The following PDE11A variants were observed in gnomAD, a reference collection of about 807,000 sequenced individuals.
PDE11A encodes the protein dual 3',5'-cyclic-AMP and -GMP phosphodiesterase 11A.
Under a neutral mutation model 100.5 loss-of-function variants are expected in PDE11A, and 100 were observed. The observed-to-expected ratio is 1.00, with a 90% CI of 0.85 to 1.18. The LOEUF (loss-of-function observed/expected upper bound fraction) is 1.18, where lower values mean the gene tolerates loss of function less well. Ranked by LOEUF, PDE11A falls within the 50% of genes most tolerant of loss-of-function variation. The probability of loss-of-function intolerance (pLI) is 0.00; values close to 1 mark genes in which losing one functional copy is unlikely to be tolerated. For synonymous variants in PDE11A, 381 were observed against 420.8 expected, an observed-to-expected ratio of 0.91 and a Z score of 1.16; for missense variants, 1,141 against 1,152.6, an observed-to-expected ratio of 0.99 and a Z score of 0.15.
intron 10 of PDE11A, among the ~76,000 whole-genome samples, chr2:177,744,938 A>G (rs2081926931): frequency 6.6e-6 from 1 of 152,224 alleles, no homozygotes; most frequent in African/African-American, 2.4e-5. Flanking sequence ...TCCTGGATGA[A>G]GGAGCAACAG....
At chr2:177,987,301 A>G (rs62183412) in intron 2 of PDE11A, among the ~76,000 whole-genome samples, 35,182 of 152,126 alleles carry the variant, frequency 0.23, 4,154 homozygotes, top group Middle Eastern at 0.28. Flanking sequence ...TGTCAATTAC[A>G]TATTCCAAGT....
chr2:177,974,390 A>G (rs2085806706), intron 2 of PDE11A, among the ~76,000 whole-genome samples: 1 of 62,752 alleles, frequency 1.6e-5, no homozygotes, highest in Non-Finnish European at 2.7e-5. Context: ...TTAGAGAAAA[A>G]ATAATAAAAA....
intron 19 of PDE11A, among the ~76,000 whole-genome samples, chr2:177,644,359 G>A (rs552098841): frequency 3.9e-5 from 6 of 152,316 alleles, no homozygotes; most frequent in South Asian, 4.1e-4. Context: ...GTTTTAACAC[G>A]GAGTCAAAGG....
In PDE11A at chr2:178,014,376, C is replaced by A. The variant is rs1378629549; in HGVS notation, c.997G>T (p.Gly333Cys). ...LLCMPIRSSDGEIIGVAQAIN... is the reference protein window; with the variant it reads ...LLCMPIRSSDCEIIGVAQAIN... Reference sequence around the variant, plus strand: ...GCTTGGGCCACACCAATAATCTCACCATCACTGCTTCGGATAGGCATGCAC... The same window carrying A: ...GCTTGGGCCACACCAATAATCTCACAATCACTGCTTCGGATAGGCATGCAC... Residue 333 changes from glycine (G) to cysteine (C), a missense_variant, in exon 2 of 20, where the codon GGT (glycine) becomes TGT (cysteine). Coordinates refer to ENST00000286063, the MANE Select transcript of PDE11A (RefSeq NM_016953.4). The A allele has an allele frequency of 1.7e-5, 28 of 1,612,164 alleles. No individual in the cohort carries two copies. The highest frequency in any genetic ancestry group is 2.4e-5 in the Non-Finnish European group (28 of 1,178,242).
At chr2:177,933,329 C>T (rs1453307487) in intron 2 of PDE11A, among the ~76,000 whole-genome samples, 1 of 151,942 alleles carries the variant, frequency 6.6e-6, no homozygotes, top group Admixed American at 6.6e-5. Flanking sequence ...AAAAACTAGG[C>T]TAAAATTCAT....
At chr2:177,679,705 C>G (rs1159722758) in intron 16 of PDE11A, among the ~76,000 whole-genome samples, 2 of 151,946 alleles carry the variant, frequency 1.3e-5, no homozygotes, top group Non-Finnish European at 2.9e-5. Context: ...GAAAAGGCAG[C>G]CTGTAGGGAT....
At chr2:177,708,903 G>T (rs2081318870) in intron 13 of PDE11A, among the ~76,000 whole-genome samples, 1 of 152,222 alleles carries the variant, frequency 6.6e-6, no homozygotes, top group African/African-American at 2.4e-5. Context: ...CACAACCAGG[G>T]CATAGGAAAT....
At chr2:177,759,789 C>G (rs1259468417) in intron 10 of PDE11A, among the ~76,000 whole-genome samples, 6 of 152,142 alleles carry the variant, frequency 3.9e-5, no homozygotes, top group African/African-American at 1.4e-4. Flanking sequence ...ATGGATAGTA[C>G]AACCACAATA....
At chr2:177,898,227 G>T in intron 3 of PDE11A, 29 bp from the exon 4 acceptor site, 2 of 1,551,822 alleles carry the variant, frequency 1.3e-6, no homozygotes, top group Non-Finnish European at 1.8e-6. Context: ...ATGTATATAA[G>T]TGGATGTAAA....
At chr2:177,674,417 C>T (rs1017445098) in intron 17 of PDE11A, among the ~76,000 whole-genome samples, 17 of 152,202 alleles carry the variant, frequency 1.1e-4, no homozygotes, top group Admixed American at 4.6e-4. Flanking sequence ...GGACAGAATT[C>T]GTTCCTTGCC....
At chr2:177,894,149 T>A in intron 4 of PDE11A, among the ~76,000 whole-genome samples, 1 of 152,174 alleles carries the variant, frequency 6.6e-6, no homozygotes, top group Non-Finnish European at 1.5e-5. Flanking sequence ...TTTCTATAAT[T>A]TCTACTGTAC....
At chr2:178,075,816 C>T (rs2087201206), upstream of PDE11A, among the ~76,000 whole-genome samples, 1 of 151,950 alleles carries the variant, frequency 6.6e-6, no homozygotes, top group Non-Finnish European at 1.5e-5. Context: ...TGAAGAGGTC[C>T]CCTTAGGAAA....
Position 178,063,730 on chromosome 2 carries a change from C to T in PDE11A, c.912+7796G>A, listed in dbSNP as rs757491522. ...AAAGGAGATAGTTAGGGCTCTGGAT[C>T]GGCTGATTTATATATCAGAGGTACC... On this transcript the variant is annotated intron_variant, in intron 1 of 19. Transcript: ENST00000286063. Among the ~76,000 whole-genome samples, 9 of 152,130 alleles carry T rather than the reference C, an allele frequency of 5.9e-5. No homozygotes were observed. The East Asian group carries it at 1.7e-3, about 29-fold the overall frequency.
intron 10 of PDE11A, among the ~76,000 whole-genome samples, chr2:177,733,603 C>A (rs1335165407): frequency 6.6e-6 from 1 of 152,200 alleles, no homozygotes; most frequent in East Asian, 1.9e-4. Context: ...GGTAGTCCAG[C>A]CTTGGCAATT....
At chr2:177,703,965 T>G (rs1559151203) in intron 13 of PDE11A, among the ~76,000 whole-genome samples, 3 of 152,202 alleles carry the variant, frequency 2.0e-5, no homozygotes, top group African/African-American at 7.2e-5. Flanking sequence ...CCTCGTCAGA[T>G]TCCCTCTTTG....
chr2:178,061,687 C>T (rs2086971386), intron 1 of PDE11A, among the ~76,000 whole-genome samples: 1 of 152,144 alleles, frequency 6.6e-6, no homozygotes, highest in Non-Finnish European at 1.5e-5. Context: ...TTTATACCTT[C>T]ATATCTTTCT....
At chr2:177,635,645 A>G (rs1271953495) in intron 19 of PDE11A, among the ~76,000 whole-genome samples, 1 of 152,172 alleles carries the variant, frequency 6.6e-6, no homozygotes, top group East Asian at 1.9e-4. Context: ...TCTCCGTTCT[A>G]CTATTTCCCA....
chr2:178,053,786 C>T (rs1170040844), intron 1 of PDE11A, among the ~76,000 whole-genome samples: 1 of 152,078 alleles, frequency 6.6e-6, no homozygotes, highest in African/African-American at 2.4e-5. Context: ...AATAAAATAC[C>T]TAGGAATACA....
intron 19 of PDE11A, among the ~76,000 whole-genome samples, chr2:177,630,477 G>A (rs751510157): frequency 6.6e-6 from 1 of 152,094 alleles, no homozygotes; most frequent in African/African-American, 2.4e-5. Context: ...TCCAAGATAG[G>A]GGGTAACATG....
Sources: allele counts gnomAD v4.1 joint callset (sites outside exome capture counted in the v4.1 genomes callset), GRCh38; gene constraint gnomAD v4.1.1; transcripts MANE v1.5; gene names NCBI Gene and HGNC (gene_info 2026-07-23, HGNC 2026-07-21).